The following PPP2R2B variants were observed in gnomAD, a reference collection of about 807,000 sequenced individuals.
PPP2R2B encodes the protein protein phosphatase 2 regulatory subunit Bbeta, also known as serine/threonine-protein phosphatase 2A 55 kDa regulatory subunit B beta isoform.
A neutral mutation model predicts 46.0 loss-of-function variants in PPP2R2B; 5 were observed. That is an observed-to-expected ratio of 0.11 (90% CI 0.06 to 0.23). PPP2R2B has a LOEUF of 0.23. Ranked by LOEUF, PPP2R2B falls within the 10% of genes least tolerant of loss-of-function variation. The pLI, the probability that PPP2R2B is intolerant of heterozygous loss-of-function variation, is 1.00. For missense variants in PPP2R2B, 367 were observed against 575.0 expected (o/e 0.64, Z 3.70); for synonymous variants, 215 against 206.7 (o/e 1.04, Z -0.34).
At chr5:146,823,279 C>T (rs372416836) in intron 2 of PPP2R2B, among the ~76,000 whole-genome samples, 8 of 152,128 alleles carry the variant, frequency 5.3e-5, no homozygotes, top group East Asian at 3.9e-4. Context: ...CTCACTGCAA[C>T]CTCCACCTCC....
intron 2 of PPP2R2B, among the ~76,000 whole-genome samples, chr5:146,812,789 G>GTATATATATA (rs1223828568): frequency 4.7e-4 from 3 of 6,414 alleles, no homozygotes; most frequent in Non-Finnish European, 5.7e-4. Flanking sequence ...GTGTGTATAT[G>GTATATATATA]TGTGTATATA....
intron 1 of PPP2R2B, among the ~76,000 whole-genome samples, chr5:147,044,686 A>C (rs1377895759): frequency 2.6e-5 from 4 of 152,120 alleles, no homozygotes; most frequent in Non-Finnish European, 5.9e-5. Flanking sequence ...AAGGATTATT[A>C]ATTAAGGTAG....
intron 5 of PPP2R2B, among the ~76,000 whole-genome samples, chr5:146,675,667 T>C (rs1334854303): frequency 2.0e-5 from 3 of 152,122 alleles, no homozygotes; most frequent in African/African-American, 7.2e-5. Context: ...TAGAAACAAA[T>C]TGCCCCTTTC....
chr5:146,758,822 A>G (rs1035276443), intron 2 of PPP2R2B, among the ~76,000 whole-genome samples: 1 of 152,182 alleles, frequency 6.6e-6, no homozygotes, highest in Non-Finnish European at 1.5e-5. Context: ...GTTATCCTAC[A>G]AACTAAAATT....
At chr5:147,067,867 T>C (rs1757460962) in intron 2 of PPP2R2B, among the ~76,000 whole-genome samples, 1 of 152,204 alleles carries the variant, frequency 6.6e-6, no homozygotes, top group African/African-American at 2.4e-5. Context: ...TTGTTGATGA[T>C]GTAGAGACAA....
At chr5:146,667,326 G>GTGCACACACACA (rs1491550987) in intron 5 of PPP2R2B, among the ~76,000 whole-genome samples, 4 of 50,646 alleles carry the variant, frequency 7.9e-5, no homozygotes, top group Non-Finnish European at 1.7e-4. Context: ...GAATAGGCGT[G>GTGCACACACACA]CGCGCGCACA....
intron 1 of PPP2R2B, among the ~76,000 whole-genome samples, chr5:146,937,037 C>G (rs895630075): frequency 6.6e-6 from 1 of 152,114 alleles, no homozygotes; most frequent in Non-Finnish European, 1.5e-5. Flanking sequence ...TGTGGTTGCT[C>G]ACGTCTGTAA....
chr5:146,805,035 C>T (rs1757091518), intron 2 of PPP2R2B, among the ~76,000 whole-genome samples: 1 of 152,180 alleles, frequency 6.6e-6, no homozygotes, highest in Non-Finnish European at 1.5e-5. Flanking sequence ...GGCAATTCTC[C>T]TCCTCAAGCT....
intron 1 of PPP2R2B, among the ~76,000 whole-genome samples, chr5:147,014,749 G>A (rs1754916537): frequency 6.8e-6 from 1 of 146,342 alleles, no homozygotes; most frequent in Admixed American, 6.8e-5. Context: ...TAGGGGGAGG[G>A]GGGAGGGATA....
intron 1 of PPP2R2B, among the ~76,000 whole-genome samples, chr5:146,957,621 A>T (rs529257600): frequency 6.6e-6 from 1 of 152,228 alleles, no homozygotes. Context: ...GGGCAGTGGG[A>T]GCAGGTAGAG....
intron 6 of PPP2R2B, among the ~76,000 whole-genome samples, chr5:146,649,422 T>G (rs1437153841): frequency 6.6e-6 from 1 of 151,764 alleles, no homozygotes; most frequent in Non-Finnish European, 1.5e-5. Flanking sequence ...GCATTTTTTT[T>G]TTTTACCTTT....
chr5:146,980,469 C>T (rs1753118044), intron 1 of PPP2R2B, among the ~76,000 whole-genome samples: 1 of 152,052 alleles, frequency 6.6e-6, no homozygotes, highest in Admixed American at 6.6e-5. Context: ...TGACAACCCA[C>T]CCCAGAGATT....
At chr5:147,055,242 C>T (rs964005044) in intron 1 of PPP2R2B, among the ~76,000 whole-genome samples, 3 of 152,196 alleles carry the variant, frequency 2.0e-5, no homozygotes, top group East Asian at 3.9e-4. Context: ...TTCTACTTTG[C>T]TAATTGCTTT....
At chr5:146,812,234 T>C (rs556042154) in intron 2 of PPP2R2B, among the ~76,000 whole-genome samples, 77 of 151,820 alleles carry the variant, frequency 5.1e-4, no homozygotes, top group Admixed American at 8.5e-4. Context: ...TCCAAATATA[T>C]GTGAAACAGC....
intron 1 of PPP2R2B, among the ~76,000 whole-genome samples, chr5:147,048,509 C>G (rs554519660): frequency 6.6e-6 from 1 of 152,200 alleles, no homozygotes; most frequent in African/African-American, 2.4e-5. Context: ...TGTAGGTAAG[C>G]AAAACATTTA....
rs74641114 is a variant in PPP2R2B, at chr5:146,852,186, G to A, written c.70+25816C>T. The stretch of plus-strand genomic sequence containing the variant: ...GATTAAGGCTGCAGGCTTATGAGGG[G>A]ACAGGAAGCTGGGAGAATCTCAAGA... On this transcript the variant is annotated intron_variant, in intron 2 of 9. Coordinates refer to ENST00000394411, the MANE Select transcript of PPP2R2B (RefSeq NM_181675.4). Among the ~76,000 whole-genome samples the A allele has an allele frequency of 2.1e-3, 324 of 152,156 alleles. 11 individuals carry two copies. In the East Asian group the frequency reaches 0.052, roughly 24 times the overall value.
chr5:147,064,946 G>T (rs1580876192), intron 2 of PPP2R2B, among the ~76,000 whole-genome samples: 1 of 152,180 alleles, frequency 6.6e-6, no homozygotes, highest in African/African-American at 2.4e-5. Context: ...TTTTCTTGCT[G>T]ATTGGAAAGC....
intron 1 of PPP2R2B, among the ~76,000 whole-genome samples, chr5:147,006,271 A>G (rs931807254): frequency 6.6e-6 from 1 of 152,218 alleles, no homozygotes; most frequent in African/African-American, 2.4e-5. Context: ...GCATTCAGCC[A>G]AATCTTAAAG....
At chr5:146,973,920 T>C (rs1333382065) in intron 1 of PPP2R2B, among the ~76,000 whole-genome samples, 3 of 152,160 alleles carry the variant, frequency 2.0e-5, no homozygotes, top group Non-Finnish European at 4.4e-5. Context: ...GCCTATAGGG[T>C]AAGGGATCCT....
Sources: allele counts gnomAD v4.1 joint callset (sites outside exome capture counted in the v4.1 genomes callset), GRCh38; gene constraint gnomAD v4.1.1; transcripts MANE v1.5; gene names NCBI Gene and HGNC (gene_info 2026-07-23, HGNC 2026-07-21).